Variants in DRP2 observed in about 807,000 individuals in gnomAD.
DRP2 encodes dystrophin-related protein 2.
DRP2 carries 29 observed loss-of-function variants against 78.2 expected under a neutral mutation model. That is an observed-to-expected ratio of 0.37 (90% CI 0.28 to 0.51). The LOEUF (loss-of-function observed/expected upper bound fraction) is 0.51, where lower values mean the gene tolerates loss of function less well. Ranked by LOEUF, DRP2 falls within the 20% of genes least tolerant of loss-of-function variation. The pLI, the probability that DRP2 is intolerant of heterozygous loss-of-function variation, is 0.94. For missense variants in DRP2, 686 were observed against 770.6 expected (o/e 0.89, Z 1.30); for synonymous variants, 290 against 281.9 (o/e 1.03, Z -0.29).
intron 21 of DRP2, among the ~76,000 whole-genome samples, chrX:101,257,869 G>A (rs1365297185): frequency 9.0e-6 from 1 of 111,252 alleles, no homozygotes; most frequent in Non-Finnish European, 1.9e-5. Flanking sequence ...CCAAAGAGGA[G>A]GATTGTGGAG....
rs1389302640 is a variant in DRP2 at position 101,264,181 on chromosome X, A to G, written c.*3560A>G. ...GTGGGAGAAGGAAAGGCTCAAGGCC[A>G]GGGCTCAGCTCGCAGAGTCCATCTT... On this transcript the variant is annotated 3_prime_UTR_variant, in exon 24 of 24. Transcript: ENST00000395209. The G allele has an allele frequency of 1.8e-5, 2 of 112,354 alleles. No homozygotes were observed. The highest frequency in any genetic ancestry group is 6.5e-5 in the African/African-American group (2 of 30,924). 9.3% of individuals were successfully genotyped at this position (112,354 alleles called of 1,213,427 possible).
chrX:101,237,540 A>G (rs751548956), intron 4 of DRP2, 79 bp from the exon 5 acceptor site: 63 of 977,022 alleles, frequency 6.4e-5, no homozygotes, highest in Non-Finnish European at 8.1e-5. Flanking sequence ...AAAGTTCCAT[A>G]TAACTTAGTT....
chrX:101,244,814 G>C (rs1026933079), intron 9 of DRP2, among the ~76,000 whole-genome samples: 2 of 112,196 alleles, frequency 1.8e-5, no homozygotes, highest in African/African-American at 3.2e-5. Flanking sequence ...TCTTCTCCTT[G>C]CCTTGCCCTA....
In DRP2 at chrX:101,260,058, G is replaced by A. The variant is rs765750077; in HGVS notation, c.2638G>A (p.Glu880Lys). The change falls in exon 23 of 24, where the codon GAA becomes AAA. Residue 880 changes from glutamate to lysine, a missense_variant. Around this residue, in one of 2 missense-constraint regions of DRP2, gnomAD observed 423 missense variants for 531.5 expected, o/e 0.80. Coordinates refer to ENST00000395209, the MANE Select transcript of DRP2 (RefSeq NM_001939.3). ...LRELLLQPPTESDGSGSAGSS... is the reference protein window; with the variant it reads ...LRELLLQPPTKSDGSGSAGSS... ...CCTTACCTCTTGCTAGCCACCCACC[G>A]AATCAGATGGCAGTGGCTCTGCAGG... The A allele has an allele frequency of 5.0e-6, 6 of 1,209,372 alleles. No individual in the cohort carries two copies. Among genetic ancestry groups the A allele is most frequent in the African/African-American group, 1.8e-5 (1 of 57,016 alleles).
At chrX:101,233,221 A>G (rs968544511) in intron 3 of DRP2, among the ~76,000 whole-genome samples, 1 of 111,858 alleles carries the variant, frequency 8.9e-6, no homozygotes, top group Non-Finnish European at 1.9e-5. Flanking sequence ...AGGGAATGCA[A>G]AGCTAACATG....
chrX:101,242,607 T>C, intron 8 of DRP2, 136 bp downstream of exon 8: 1 of 836,522 alleles, frequency 1.2e-6, no homozygotes, highest in Non-Finnish European at 1.7e-6. Flanking sequence ...GGGAATGGGC[T>C]TTTCAACCTC....
chrX:101,256,369 A>G (rs1453205950), intron 21 of DRP2, 108 bp downstream of exon 21: 1 of 759,659 alleles, frequency 1.3e-6, no homozygotes, highest in Non-Finnish European at 1.8e-6. Context: ...CAAGTTACTT[A>G]TATTCTGTAA....
At position 101,260,542 on chromosome X, in the gene DRP2, A is replaced by T. The variant is rs1291311458; in HGVS notation, c.2795A>T (p.Asp932Val). The T allele has an allele frequency of 2.5e-6, 3 of 1,211,078 alleles. No individual in the cohort carries two copies. The highest frequency in any genetic ancestry group is 3.5e-5 in the South Asian group (2 of 56,840). Residue 932 changes from aspartate to valine, a missense_variant, in exon 24 of 24, where the codon GAC (aspartate) becomes GTC (valine). By Grantham distance (152) the Asp-to-Val change is radical. This residue lies in a region of DRP2 where 423 missense variants were observed against 531.5 expected (regional missense o/e 0.80). Coordinates refer to ENST00000395209, the MANE Select transcript of DRP2 (RefSeq NM_001939.3). ...CAGGATGTCAGCCTGTGCTTGGAGGACATCATGGAGAAACTCCGTCATGCC... is the reference window on the plus strand; with the variant it reads ...CAGGATGTCAGCCTGTGCTTGGAGGTCATCATGGAGAAACTCCGTCATGCC... ...KSQDVSLCLE[D>V]IMEKLRHAFP...
chrX:101,252,177 A>C (rs1232373202), intron 16 of DRP2, among the ~76,000 whole-genome samples: 1 of 112,382 alleles, frequency 8.9e-6, no homozygotes, highest in Admixed American at 9.4e-5. Context: ...CTTTTAGCCA[A>C]CTTAGCCAAG....
intron 23 of DRP2, 37 bp downstream of exon 23, chrX:101,260,206 T>C (rs1016720118): frequency 1.7e-6 from 2 of 1,204,005 alleles, no homozygotes; most frequent in African/African-American, 1.8e-5. Context: ...CCTTTCTCCA[T>C]GGCTTTGTCC....
Position 101,239,007 on chromosome X carries a change from G to A in DRP2, c.465G>A (p.Arg155=). 8.3e-7 allele frequency: 1 copy of A among 1,210,767 alleles called. No individual in the cohort carries two copies. Among genetic ancestry groups the A allele is most frequent in the Admixed American group, 2.2e-5 (1 of 45,969 alleles). The change falls in exon 6 of 24, where the codon CGG becomes CGA. Residue 155 remains arginine, a synonymous_variant. Transcript: ENST00000395209. ...HAAFMEEVKS[R]GPYIYSVLES... is the part of the protein sequence containing the mutation. Reference sequence around the variant, plus strand: ...CCTTTATGGAAGAAGTCAAGTCTCGGGGCCCCTACATCTATTCTGTGCTGG... The same window carrying A: ...CCTTTATGGAAGAAGTCAAGTCTCGAGGCCCCTACATCTATTCTGTGCTGG...
intron 12 of DRP2, 80 bp from the exon 13 acceptor site, chrX:101,248,009 G>C (rs1602927907): frequency 1.1e-6 from 1 of 913,955 alleles, no homozygotes; most frequent in Non-Finnish European, 1.6e-6. Flanking sequence ...TGGTGATGCT[G>C]GTGGCTTTAT....
intron 4 of DRP2, 150 bp from the exon 5 acceptor site, chrX:101,237,469 G>T: frequency 1.9e-6 from 1 of 538,213 alleles, no homozygotes; most frequent in South Asian, 9.0e-5. Context: ...GTAAGAGGGA[G>T]GACTCCAGGC....
At position 101,248,526 on chromosome X, in the gene DRP2, A is replaced by C. The variant is rs1280271613; in HGVS notation, c.1467A>C (p.Gly489=). The change falls in exon 14 of 24, where the codon GGA becomes GGC. Residue 489 remains glycine (G), a synonymous_variant. Coordinates refer to ENST00000395209, the MANE Select transcript of DRP2 (RefSeq NM_001939.3). The part of the protein sequence containing the change: ...LLNVFDSGRS[G]KMRALSFKTG... ...TTTTTAAACCTAGTGGTCGCAGCGGAAAGATGCGGGCATTGTCTTTTAAGA... is the reference window on the plus strand; with the variant it reads ...TTTTTAAACCTAGTGGTCGCAGCGGCAAGATGCGGGCATTGTCTTTTAAGA... 1.7e-6 allele frequency: 2 copies of C among 1,211,841 alleles called. No homozygotes were observed. Among genetic ancestry groups the C allele is most frequent in the Non-Finnish European group, 2.2e-6 (2 of 895,412 alleles).
At position 101,231,715 on chromosome X, in the gene DRP2, A is replaced by G; in HGVS notation, c.68A>G (p.Asp23Gly). The G allele has an allele frequency of 8.3e-7, 1 of 1,211,270 alleles. No individual in the cohort carries two copies. The highest frequency in any genetic ancestry group is 1.1e-6 in the Non-Finnish European group (1 of 895,322). ...CGATGTCATGACTGGCAGGCAGCTG[A>G]CCAGTTCCATCATAGCAGCAGCCTC... is the stretch of plus-strand genomic sequence containing the variant. ...LPRCHDWQAA[D>G]QFHHSSSLRS... is the part of the protein sequence containing the mutation. The change falls in exon 3 of 24, where the codon GAC becomes GGC. Residue 23 changes from aspartate (D) to glycine (G), a missense_variant. By Grantham distance (94) the Asp-to-Gly change is moderately conservative. Around this residue, in one of 2 missense-constraint regions of DRP2, gnomAD observed 263 missense variants for 239.1 expected, o/e 1.10. Coordinates refer to ENST00000395209, the MANE Select transcript of DRP2 (RefSeq NM_001939.3).
At chrX:101,242,011 G>T in intron 7 of DRP2, 75 bp downstream of exon 7, 1 of 1,070,305 alleles carries the variant, frequency 9.3e-7, no homozygotes, top group Non-Finnish European at 1.3e-6. Flanking sequence ...CAATGTTTCT[G>T]CTGCTGAGAC....
intron 16 of DRP2, chrX:101,251,353 A>G: frequency 4.7e-6 from 1 of 212,055 alleles, no homozygotes; most frequent in Non-Finnish European, 8.5e-6. Flanking sequence ...GCACCTATGT[A>G]CTAAATGGTA....
rs1923522669 is a variant in DRP2, at chrX:101,260,727, C to CTCAACTAGTAT, written c.*108_*118dup. 2.0e-6 allele frequency: 2 copies of CTCAACTAGTAT among 1,024,331 alleles called. No individual in the cohort carries two copies. 84.4% of individuals were successfully genotyped at this position (1,024,331 alleles called of 1,213,427 possible). A position where few individuals can be genotyped will look rare whatever the true frequency, so the allele number is the denominator to read the frequency against. ...TCCAGTTTCCACTGGCCCCACATTCCTCAACTAGTATTATTTGGGCTCTGG... is the reference window on the plus strand; with the variant it reads ...TCCAGTTTCCACTGGCCCCACATTCCTCAACTAGTATTCAACTAGTATTATTTGGGCTCTGG... On this transcript the variant is annotated 3_prime_UTR_variant, in exon 24 of 24. Transcript: ENST00000395209.
rs770961264 is a variant in DRP2, at chrX:101,260,131, G to A, written c.2711G>A (p.Arg904Gln). ...SPQQSEGSHP[R>Q]EKGQTTPDTE... ...CAGCAGTCAGAAGGCAGTCACCCCC[G>A]GGAGAAGGGACAGACTACTCCAGAT... Residue 904 changes from arginine (R) to glutamine (Q), a missense_variant, in exon 23 of 24, where the codon CGG (arginine) becomes CAG (glutamine). Physicochemically the swap from Arg to Gln is conservative, Grantham distance 43 (BLOSUM62 1). This residue lies in a region of DRP2 where 423 missense variants were observed against 531.5 expected (regional missense o/e 0.80). Transcript: ENST00000395209. 5.8e-6 allele frequency: 7 copies of A among 1,209,172 alleles called. No individual in the cohort carries two copies. Among genetic ancestry groups the A allele is most frequent in the South Asian group, 3.5e-5 (2 of 56,709 alleles).
Sources: gnomAD v4.1 joint callset for allele counts (sites outside exome capture counted in the v4.1 genomes callset) on GRCh38, gnomAD v4.1.1 for gene constraint, gnomAD v4.1.1 regional missense constraint, MANE v1.5 for transcripts, NCBI Gene and HGNC (gene_info 2026-07-23, HGNC 2026-07-21) for gene names.